Variants in SLC12A6 observed in about 807,000 individuals in gnomAD.
The protein encoded by SLC12A6 is solute carrier family 12 member 6.
In SLC12A6, 66 loss-of-function variants were observed where a neutral mutation model predicts 135.3. The ratio of observed to expected loss-of-function variants is 0.49; its 90% confidence interval spans 0.40 to 0.60. The LOEUF (loss-of-function observed/expected upper bound fraction) is 0.60, where lower values mean the gene tolerates loss of function less well. Among genes scored for constraint, SLC12A6 ranks in the 20% least tolerant of loss-of-function variants. The pLI, the probability that SLC12A6 is intolerant of heterozygous loss-of-function variation, is 0.00. For synonymous variants in SLC12A6, 513 were observed against 508.8 expected, an observed-to-expected ratio of 1.01 and a Z score of -0.11; for missense variants, 1,058 against 1,452.3, an observed-to-expected ratio of 0.73 and a Z score of 4.41.
intron 2 of SLC12A6, among the ~76,000 whole-genome samples, chr15:34,292,490 A>C (rs537587820): frequency 1.6e-4 from 25 of 152,320 alleles, no homozygotes; most frequent in African/African-American, 5.5e-4. Flanking sequence ...TTAGAGCTCA[A>C]ACATCACGCT....
chr15:34,318,530 G>C, intron 2 of SLC12A6: 2 of 1,570,960 alleles, frequency 1.3e-6, no homozygotes, highest in South Asian at 2.2e-5. Context: ...ACATTTTATA[G>C]GTTCCAAAAG....
intron 13 of SLC12A6, among the ~76,000 whole-genome samples, chr15:34,248,208 T>A (rs887626425): frequency 3.3e-5 from 5 of 152,174 alleles, no homozygotes; most frequent in Non-Finnish European, 7.3e-5. Flanking sequence ...GCGATGGACA[T>A]TTGGATTATT....
intron 2 of SLC12A6, among the ~76,000 whole-genome samples, chr15:34,286,040 C>A (rs547739098): frequency 6.6e-6 from 1 of 151,554 alleles, no homozygotes; most frequent in Non-Finnish European, 1.5e-5. Flanking sequence ...GAACTATACA[C>A]TAAAAAATTA....
intron 2 of SLC12A6, 26 bp from the exon 3 acceptor site, chr15:34,275,415 A>T: frequency 7.2e-7 from 1 of 1,386,742 alleles, no homozygotes; most frequent in Non-Finnish European, 1.0e-6. Flanking sequence ...TTGAAAAGAA[A>T]AGAAAAAAAT....
chr15:34,291,887 C>T (rs1895559495), intron 2 of SLC12A6, among the ~76,000 whole-genome samples: 1 of 152,080 alleles, frequency 6.6e-6, no homozygotes, highest in Non-Finnish European at 1.5e-5. Flanking sequence ...ATTTGTCCTA[C>T]CTTTTTTCAA....
chr15:34,287,902 C>T (rs1045942664), intron 2 of SLC12A6, among the ~76,000 whole-genome samples: 1 of 152,132 alleles, frequency 6.6e-6, no homozygotes, highest in African/African-American at 2.4e-5. Flanking sequence ...GGATAGATAG[C>T]AAAAATTTTC....
At chr15:34,282,262 A>G (rs13379654) in intron 2 of SLC12A6, among the ~76,000 whole-genome samples, 5,983 of 152,296 alleles carry the variant, frequency 0.039, 220 homozygotes, top group African/African-American at 0.099. Flanking sequence ...AGATTGCTCT[A>G]AAGTGTAATT....
chr15:34,276,473 A>G lies in SLC12A6; in HGVS notation c.272-1084T>C, dbSNP rs376306287. On this transcript the variant is annotated intron_variant, in intron 2 of 25. Coordinates refer to ENST00000354181, the MANE Select transcript of SLC12A6 (RefSeq NM_001365088.1). ...TATTGACAATCATCATTTAACAGTCAACCACTTACTTATTTTAAAGGTTTG... is the reference window on the plus strand; with the variant it reads ...TATTGACAATCATCATTTAACAGTCGACCACTTACTTATTTTAAAGGTTTG... 1.1e-4 allele frequency among the ~76,000 whole-genome samples: 16 copies of G among 152,360 alleles called. No individual in the cohort carries two copies. In the East Asian group the frequency reaches 2.9e-3, roughly 28 times the overall value.
chr15:34,246,625 G>GTTTT (rs1892010010), intron 13 of SLC12A6, among the ~76,000 whole-genome samples: 1 of 151,338 alleles, frequency 6.6e-6, no homozygotes, highest in Non-Finnish European at 1.5e-5. Context: ...TACATTCACA[G>GTTTT]TTCAGGTTTT....
chr15:34,330,637 A>G (rs1274857625), intron 2 of SLC12A6, among the ~76,000 whole-genome samples: 4 of 151,976 alleles, frequency 2.6e-5, no homozygotes, highest in African/African-American at 7.2e-5. Context: ...CACTGTATCC[A>G]GCCTGGTTGA....
chr15:34,238,682 C>T (rs1891440789), intron 20 of SLC12A6: 1 of 596,900 alleles, frequency 1.7e-6, no homozygotes, highest in Non-Finnish European at 3.0e-6. Flanking sequence ...ACAATTCTTG[C>T]AATTCCTGTG....
Position 34,257,192 on chromosome 15 carries a change from A to G in SLC12A6, c.690+450T>C, listed in dbSNP as rs568114545. On this transcript the variant is annotated intron_variant, in intron 6 of 25. Transcript: ENST00000354181. ...GAGAGAAGACCTGGAAAGAACATCT[A>G]AATTTCTAAGGAAGGGATAAGGGAA... Among the ~76,000 whole-genome samples, 4 of 152,318 alleles carry G rather than the reference A, an allele frequency of 2.6e-5. No homozygotes were observed. In the South Asian group the frequency reaches 8.3e-4, roughly 32 times the overall value.
chr15:34,262,158 C>T (rs531171226), intron 3 of SLC12A6, among the ~76,000 whole-genome samples: 3 of 152,150 alleles, frequency 2.0e-5, no homozygotes, highest in South Asian at 2.1e-4. Flanking sequence ...CCTCTCTTCC[C>T]GTTTGGCATA....
chr15:34,255,418 A>C (rs1892679443), intron 7 of SLC12A6, 26 bp from the exon 8 acceptor site: 1 of 1,560,604 alleles, frequency 6.4e-7, no homozygotes, highest in Admixed American at 1.7e-5. Context: ...GAAGGTGAAT[A>C]GAAGAAAGAG....
intron 2 of SLC12A6, among the ~76,000 whole-genome samples, chr15:34,323,073 T>C (rs1889226196): frequency 6.6e-6 from 1 of 150,524 alleles, no homozygotes; most frequent in South Asian, 2.1e-4. Flanking sequence ...GACACCATTA[T>C]GAAAATGAAT....
chr15:34,250,329 C>A lies in SLC12A6; in HGVS notation c.1618G>T (p.Ala540Ser), dbSNP rs1892300055. 4.4e-6 allele frequency: 7 copies of A among 1,594,816 alleles called. No individual in the cohort carries two copies. Among genetic ancestry groups the A allele is most frequent in the Non-Finnish European group, 6.0e-6 (7 of 1,162,398 alleles). Residue 540 changes from alanine to serine, a missense_variant, in exon 13 of 26, where the codon GCA becomes TCA. Physicochemically the swap from Ala to Ser is moderately conservative, Grantham distance 99 (BLOSUM62 1). Around this residue, in one of 6 missense-constraint regions of SLC12A6, gnomAD observed 297 missense variants for 318.5 expected, o/e 0.93. Transcript: ENST00000354181. ...CTGAGAACAACCCCTTCAATACATG[C>A]ACCAAAAAGGACAACATTGCTTAAA... ...VYLSNVVLFGACIEGVVLRDK... is the reference protein window; with the variant it reads ...VYLSNVVLFGSCIEGVVLRDK...
In SLC12A6 at chr15:34,245,322, T is replaced by A; in HGVS notation, c.1906A>T (p.Ile636Phe). 6.2e-7 allele frequency: 1 copy of A among 1,611,154 alleles called. No homozygotes were observed. Among genetic ancestry groups the A allele is most frequent in the Non-Finnish European group, 8.5e-7 (1 of 1,177,294 alleles). Residue 636 changes from isoleucine (I) to phenylalanine (F), a missense_variant, in exon 15 of 26, where the codon ATT (isoleucine) becomes TTT (phenylalanine). By Grantham distance (21) the Ile-to-Phe change is conservative. Coordinates refer to ENST00000354181, the MANE Select transcript of SLC12A6 (RefSeq NM_001365088.1). ...TAAIAELGIL[I>F]ASLDLVAPIL... ...GGGGCCACAAGATCCAGGGAGGCAA[T>A]GAGTATTCCAAGCTCTGCAATGGCA...
At chr15:34,275,243 G>T in intron 3 of SLC12A6, 102 bp downstream of exon 3, 1 of 684,278 alleles carries the variant, frequency 1.5e-6, no homozygotes, top group Non-Finnish European at 2.7e-6. Flanking sequence ...AAGTAGAAAA[G>T]GAGGGGATAG....
chr15:34,331,257 A>C (rs1357473495), intron 2 of SLC12A6, among the ~76,000 whole-genome samples: 1 of 152,136 alleles, frequency 6.6e-6, no homozygotes, highest in Non-Finnish European at 1.5e-5. Context: ...CTCATGCCTC[A>C]GCCACCTGAG....
Sources: gnomAD v4.1 joint callset for allele counts (sites outside exome capture counted in the v4.1 genomes callset) on GRCh38, gnomAD v4.1.1 for gene constraint, gnomAD v4.1.1 regional missense constraint, MANE v1.5 for transcripts, NCBI Gene and HGNC (gene_info 2026-07-23, HGNC 2026-07-21) for gene names.